Variants in ANK2 observed in about 807,000 individuals in gnomAD.
ANK2 encodes ankyrin-2.
In ANK2, 83 loss-of-function variants were observed where a neutral mutation model predicts 360.5. The observed-to-expected ratio is 0.23, with a 90% CI of 0.19 to 0.28. The LOEUF is 0.28. Among genes scored for constraint, ANK2 ranks in the 10% least tolerant of loss-of-function variants. The pLI is 1.00. For missense variants in ANK2, 4,201 were observed against 4,795.7 expected (o/e 0.88, Z 3.66); for synonymous variants, 1,740 against 1,759.5 (o/e 0.99, Z 0.28).
At chr4:112,985,748 G>A (rs2044619859) in intron 2 of ANK2, among the ~76,000 whole-genome samples, 1 of 152,088 alleles carries the variant, frequency 6.6e-6, no homozygotes, top group South Asian at 2.1e-4. Context: ...CTCCCCTGGA[G>A]GGCAGGATGT....
chr4:113,166,501 G>C (rs890218139), intron 1 of ANK2, among the ~76,000 whole-genome samples: 1 of 151,914 alleles, frequency 6.6e-6, no homozygotes, highest in South Asian at 2.1e-4. Context: ...AAAGCACATA[G>C]AGAATGTGAA....
chr4:112,886,635 T>A (rs1322791058), intron 1 of ANK2, among the ~76,000 whole-genome samples: 1 of 151,990 alleles, frequency 6.6e-6, no homozygotes, highest in Non-Finnish European at 1.5e-5. Flanking sequence ...GCACTCCAGC[T>A]TGGGCGACAG....
chr4:113,004,445 TA>T (rs2154288697), intron 2 of ANK2, among the ~76,000 whole-genome samples: 1 of 152,232 alleles, frequency 6.6e-6, no homozygotes. Context: ...TCGCCCTACA[TA>T]AGATTAGGAT....
chr4:113,217,392 C>T (rs2099097137), intron 4 of ANK2, among the ~76,000 whole-genome samples: 2 of 151,958 alleles, frequency 1.3e-5, no homozygotes, highest in Non-Finnish European at 2.9e-5. Flanking sequence ...ATATTTTAAC[C>T]ATATATATAT....
the ANK2 span, among the ~76,000 whole-genome samples, chr4:112,756,655 A>C: frequency 6.6e-6 from 1 of 152,220 alleles, no homozygotes; most frequent in Non-Finnish European, 1.5e-5. Flanking sequence ...CACTCGAGTA[A>C]GAGATTTTTT....
chr4:112,930,715 C>T (rs868011597), intron 2 of ANK2, among the ~76,000 whole-genome samples: 2 of 151,888 alleles, frequency 1.3e-5, no homozygotes, highest in East Asian at 1.9e-4. Context: ...GGTGAAACCC[C>T]GTCTCTACTA....
At chr4:113,076,318 A>G (rs1385224867) in intron 1 of ANK2, among the ~76,000 whole-genome samples, 1 of 152,234 alleles carries the variant, frequency 6.6e-6, no homozygotes, top group Admixed American at 6.5e-5. Flanking sequence ...GGTTGGACAA[A>G]CTTGCTAAGG....
At chr4:113,115,161 T>TAG (rs2154368009) in intron 1 of ANK2, among the ~76,000 whole-genome samples, 1 of 152,290 alleles carries the variant, frequency 6.6e-6, no homozygotes, top group Non-Finnish European at 1.5e-5. Flanking sequence ...TGTCAAGTGG[T>TAG]AGACGGTGAC....
intron 2 of ANK2, among the ~76,000 whole-genome samples, chr4:112,936,476 G>T (rs2093731360): frequency 6.6e-6 from 1 of 151,858 alleles, no homozygotes; most frequent in South Asian, 2.1e-4. Context: ...CTCCTGAGTA[G>T]CTGGGATTAC....
chr4:113,135,521 C>CTG (rs72311638), intron 1 of ANK2, among the ~76,000 whole-genome samples: 23,513 of 147,932 alleles, frequency 0.16, 1,881 homozygotes, highest in African/African-American at 0.2. Flanking sequence ...GTGTGTGTCT[C>CTG]TCTGTGTGTG....
intron 2 of ANK2, among the ~76,000 whole-genome samples, chr4:113,016,517 A>G (rs2056675405): frequency 6.6e-6 from 1 of 152,116 alleles, no homozygotes; most frequent in Non-Finnish European, 1.5e-5. Context: ...GCTCTTCTCT[A>G]GGTCTCACAT....
the ANK2 span, among the ~76,000 whole-genome samples, chr4:112,748,681 G>A: frequency 1.3e-5 from 2 of 152,098 alleles, no homozygotes; most frequent in African/African-American, 2.4e-5. Flanking sequence ...GTCTGAGGAT[G>A]GATGAATCCA....
At chr4:112,728,129 C>T in the ANK2 span, among the ~76,000 whole-genome samples, 1 of 151,214 alleles carries the variant, frequency 6.6e-6, no homozygotes, top group Non-Finnish European at 1.5e-5. Context: ...CCCGTCTCTA[C>T]TAAAAATACA....
At position 113,086,623 on chromosome 4, in the gene ANK2, AAAGC is replaced by A. The variant is rs369560328; in HGVS notation, c.84+36826_84+36829del. ...ACAGGTAGATAATGTCAAGTGGCAAAAAGCAAGCAAGCAAGCAAACAAACAAACA... is the reference window on the plus strand; with the variant it reads ...ACAGGTAGATAATGTCAAGTGGCAAAAAGCAAGCAAGCAAACAAACAAACA... On this transcript the variant is annotated intron_variant, in intron 1 of 45. Transcript: ENST00000357077. Among the ~76,000 whole-genome samples the A allele has an allele frequency of 1.4e-3, 210 of 152,308 alleles. 3 individuals carry two copies. The South Asian group carries it at 0.017, about 12-fold the overall frequency.
In ANK2 at chr4:113,213,955, A is replaced by AT. The variant is rs67221812; in HGVS notation, c.384+14858dup. On this transcript the variant is annotated intron_variant, in intron 4 of 45. Transcript: ENST00000357077. ...GAAACGACAAAATGCTGTTTTATTT[A>AT]TTTTTTTTTTTTATTTTTTTTTTAA... is the stretch of plus-strand genomic sequence containing the variant. 6.5e-3 allele frequency: 3,201 copies of AT among 491,376 alleles called. 61 individuals are homozygous for AT. Among genetic ancestry groups the AT allele is most frequent in the Middle Eastern group, 0.018 (37 of 2,058 alleles). The allele number at this position is 491,376 out of a possible 1,614,324, so 30.4% of individuals were successfully genotyped here. A position where few individuals can be genotyped will look rare whatever the true frequency, so the allele number is the denominator to read the frequency against.
At chr4:112,930,978 C>G (rs2093160165) in intron 2 of ANK2, among the ~76,000 whole-genome samples, 2 of 151,714 alleles carry the variant, frequency 1.3e-5, no homozygotes, top group Admixed American at 1.3e-4. Context: ...TAGAAAATGT[C>G]TCAGAGGAGA....
At chr4:113,117,366 A>T in intron 1 of ANK2, 1 of 456,280 alleles carries the variant, frequency 2.2e-6, no homozygotes, top group South Asian at 1.5e-5. Context: ...CTTGAGAGAG[A>T]CAGAAAAAAA....
At chr4:113,083,198 A>G (rs920515296) in intron 1 of ANK2, among the ~76,000 whole-genome samples, 1 of 152,050 alleles carries the variant, frequency 6.6e-6, no homozygotes, top group African/African-American at 2.4e-5. Context: ...TTATTTTGAG[A>G]GACAGTGTCT....
chr4:113,247,293 T>C (rs1364084629), intron 9 of ANK2, among the ~76,000 whole-genome samples: 1 of 152,210 alleles, frequency 6.6e-6, no homozygotes, highest in Non-Finnish European at 1.5e-5. Context: ...AAGAATTTTT[T>C]TGGGGCATTA....
Sources: allele counts gnomAD v4.1 joint callset (sites outside exome capture counted in the v4.1 genomes callset), GRCh38; gene constraint gnomAD v4.1.1; transcripts MANE v1.5; gene names NCBI Gene and HGNC (gene_info 2026-07-23, HGNC 2026-07-21).